The following QTRT1 variants were observed in gnomAD, a reference collection of about 807,000 sequenced individuals.
QTRT1 encodes the protein TGT, 43-KD subunit.
Under a neutral mutation model 44.0 loss-of-function variants are expected in QTRT1, and 41 were observed. The observed-to-expected ratio is 0.93, with a 90% CI of 0.73 to 1.21. QTRT1 has a LOEUF of 1.21. Ranked by LOEUF, QTRT1 falls within the 50% of genes most tolerant of loss-of-function variation. The pLI is 0.00. For synonymous variants in QTRT1, 226 were observed against 237.1 expected (o/e 0.95, Z 0.43); for missense variants, 542 against 575.8 (o/e 0.94, Z 0.60).
At chr19:10,707,765 A>G (rs2068721255) in intron 5 of QTRT1, 150 bp downstream of exon 5, 2 of 557,624 alleles carry the variant, frequency 3.6e-6, no homozygotes, top group Non-Finnish European at 6.4e-6. Flanking sequence ...CACGTGCAGT[A>G]GAATGTATTG....
At chr19:10,708,866 A>T (rs1261401271) in intron 5 of QTRT1, 1 of 151,100 alleles carries the variant, frequency 6.6e-6, no homozygotes, top group Non-Finnish European at 1.5e-5. Context: ...TCCGGTTTCA[A>T]GTGATTCTCC....
At chr19:10,703,206 C>G (rs1310497139) in intron 3 of QTRT1, among the ~76,000 whole-genome samples, 1 of 151,082 alleles carries the variant, frequency 6.6e-6, no homozygotes, top group Non-Finnish European at 1.5e-5. Flanking sequence ...GGGATTACAA[C>G]TGCTTGCCAC....
chr19:10,703,826 T>A (rs2068700736), intron 3 of QTRT1, among the ~76,000 whole-genome samples: 1 of 150,528 alleles, frequency 6.6e-6, no homozygotes, highest in African/African-American at 2.4e-5. Flanking sequence ...GCCTATAAGT[T>A]TATTTTTTTA....
intron 3 of QTRT1, among the ~76,000 whole-genome samples, chr19:10,705,293 C>A (rs969686622): frequency 6.6e-6 from 1 of 151,206 alleles, no homozygotes; most frequent in Admixed American, 6.6e-5. Flanking sequence ...GGCTGGAGTG[C>A]AGTGGCACTG....
chr19:10,701,838 T>C (rs2068690490), intron 1 of QTRT1, 112 bp from the exon 2 acceptor site: 2 of 1,575,070 alleles, frequency 1.3e-6, no homozygotes, highest in African/African-American at 1.3e-5. Flanking sequence ...GACCAGGCCT[T>C]GTACTGGGCG....
At chr19:10,708,628 C>T (rs1160028340) in intron 5 of QTRT1, among the ~76,000 whole-genome samples, 1 of 152,110 alleles carries the variant, frequency 6.6e-6, no homozygotes, top group Non-Finnish European at 1.5e-5. Context: ...TGCAGCTCCC[C>T]TTCCCATGAT....
At chr19:10,704,916 ATTT>A (rs57490073) in intron 3 of QTRT1, among the ~76,000 whole-genome samples, 8 of 133,504 alleles carry the variant, frequency 6.0e-5, no homozygotes, top group Non-Finnish European at 3.2e-5. Context: ...GAATGTCGTA[ATTT>A]TTTTTTTTTT....
chr19:10,712,917 C>T lies in QTRT1; in HGVS notation c.972-36C>T. The stretch of plus-strand genomic sequence containing the variant: ...GGGGCAGGGCATGGAGGGGACAGGG[C>T]CTGGCCGTGCTGAGCTGTCCCCTGC... On this transcript the variant is annotated intron_variant, in intron 8 of 9. Coordinates refer to ENST00000250237, the MANE Select transcript of QTRT1 (RefSeq NM_031209.3). This position sits in a 1 kb window ranked among gnomAD's most constrained non-coding sequence, Gnocchi z 5.6. 3 of 1,612,796 alleles carry T rather than the reference C, an allele frequency of 1.9e-6. No individual in the cohort carries two copies. The highest frequency in any genetic ancestry group is 2.5e-6 in the Non-Finnish European group (3 of 1,179,496).
intron 5 of QTRT1, among the ~76,000 whole-genome samples, chr19:10,709,540 C>T (rs770575843): frequency 2.0e-5 from 3 of 152,110 alleles, no homozygotes; most frequent in Admixed American, 6.6e-5. Flanking sequence ...GGTAAAACCC[C>T]GTTTCTACTA....
At chr19:10,703,799 A>C (rs1379299650) in intron 3 of QTRT1, among the ~76,000 whole-genome samples, 2 of 143,832 alleles carry the variant, frequency 1.4e-5, no homozygotes, top group African/African-American at 2.6e-5. Context: ...GATTACAGGT[A>C]TGAGCCACTG....
chr19:10,705,728 G>A (rs2068710393), intron 3 of QTRT1, among the ~76,000 whole-genome samples: 1 of 150,438 alleles, frequency 6.6e-6, no homozygotes, highest in African/African-American at 2.5e-5. Context: ...TAGAGACAGG[G>A]TTTCACCATA....
intron 3 of QTRT1, among the ~76,000 whole-genome samples, chr19:10,706,484 T>C (rs1276820780): frequency 6.6e-6 from 1 of 152,022 alleles, no homozygotes; most frequent in African/African-American, 2.4e-5. Context: ...GCGATTCTCC[T>C]GCCTCAGCCT....
In QTRT1 at chr19:10,712,935, TCCCCTGCCG is replaced by T; in HGVS notation, c.972-16_972-8del. On this transcript the variant is annotated splice_polypyrimidine_tract_variant and intron_variant, in intron 8 of 9. Transcript: ENST00000250237. This position sits in a 1 kb window ranked among gnomAD's most constrained non-coding sequence, Gnocchi z 5.6. ...GACAGGGCCTGGCCGTGCTGAGCTG[TCCCCTGCCG>T]CTCTACAGGCACAGCCGCGCCTTCC... 1 of 1,612,858 alleles carries T rather than the reference TCCCCTGCCG, an allele frequency of 6.2e-7. No homozygotes were observed. The highest frequency in any genetic ancestry group is 8.5e-7 in the Non-Finnish European group (1 of 1,179,820).
intron 3 of QTRT1, among the ~76,000 whole-genome samples, chr19:10,703,668 G>A (rs1305560820): frequency 2.0e-5 from 3 of 151,606 alleles, no homozygotes; most frequent in Non-Finnish European, 4.4e-5. Flanking sequence ...ACAGGTGCCC[G>A]CTACCACACC....
Position 10,712,550 on chromosome 19 carries a change from C to T in QTRT1, c.786-3C>T, listed in dbSNP as rs2068743581. On this transcript the variant is annotated splice_region_variant and splice_polypyrimidine_tract_variant and intron_variant, in intron 6 of 9. Coordinates refer to ENST00000250237, the MANE Select transcript of QTRT1 (RefSeq NM_031209.3). The surrounding 1 kb of genome is among the most constrained non-coding windows in gnomAD (Gnocchi z 5.6). ...CCCCCTCCCGTCATGGCTGCAACCC[C>T]AGCTATGCCACTGATCTGGTAGTCT... 6.2e-7 allele frequency: 1 copy of T among 1,613,686 alleles called. No homozygotes were observed. Among genetic ancestry groups the T allele is most frequent in the Non-Finnish European group, 8.5e-7 (1 of 1,179,674 alleles).
In QTRT1 at chr19:10,712,231, C is replaced by G. The variant is rs750735108; in HGVS notation, c.717C>G (p.Phe239Leu). 4 of 1,614,108 alleles carry G rather than the reference C, an allele frequency of 2.5e-6. No individual in the cohort carries two copies. The highest frequency in any genetic ancestry group is 1.7e-4 in the Middle Eastern group (1 of 6,028). Residue 239 changes from phenylalanine (F) to leucine (L), a missense_variant, in exon 6 of 10, where the codon TTC becomes TTG. Physicochemically the swap from Phe to Leu is conservative, Grantham distance 22. Coordinates refer to ENST00000250237, the MANE Select transcript of QTRT1 (RefSeq NM_031209.3). The surrounding 1 kb of genome is among the most constrained non-coding windows in gnomAD (Gnocchi z 5.6). ...GLSGGESKSQ[F>L]WRMVALSTSR... ...GCGGGGGTGAGAGCAAGTCGCAGTT[C>G]TGGCGGATGGTGGCGCTGAGCACCT... is the stretch of plus-strand genomic sequence containing the variant.
At position 10,712,980 on chromosome 19, in the gene QTRT1, G is replaced by A. The variant is rs769867462; in HGVS notation, c.999G>A (p.Leu333=). Residue 333 remains leucine, a synonymous_variant, in exon 9 of 10, where the codon CTG becomes CTA. Transcript: ENST00000250237. This position sits in a 1 kb window ranked among gnomAD's most constrained non-coding sequence, Gnocchi z 5.6. ...QKHSRAFLHA[L]LHSDNTAALH... is the part of the protein sequence containing the mutation. Reference sequence around the variant, plus strand: ...ACAGCCGCGCCTTCCTGCACGCACTGCTGCACAGTGACAACACGGCCGCGC... The same window carrying A: ...ACAGCCGCGCCTTCCTGCACGCACTACTGCACAGTGACAACACGGCCGCGC... 31 of 1,612,584 alleles carry A rather than the reference G, an allele frequency of 1.9e-5. No homozygotes were observed. The highest frequency in any genetic ancestry group is 1.6e-4 in the Middle Eastern group (1 of 6,084).
At chr19:10,702,972 T>C (rs1438916486) in intron 3 of QTRT1, among the ~76,000 whole-genome samples, 1 of 151,506 alleles carries the variant, frequency 6.6e-6, no homozygotes, top group Non-Finnish European at 1.5e-5. Flanking sequence ...TTTCTCCATG[T>C]TGGTTAGGCT....
intron 3 of QTRT1, among the ~76,000 whole-genome samples, chr19:10,705,494 C>T (rs373077714): frequency 2.1e-4 from 32 of 152,266 alleles, no homozygotes; most frequent in African/African-American, 7.7e-4. Flanking sequence ...CCGTCTCGGC[C>T]TCCCAAAGTG....
Sources: gnomAD v4.1 joint callset for allele counts (sites outside exome capture counted in the v4.1 genomes callset) on GRCh38, gnomAD v4.1.1 for gene constraint, Gnocchi (gnomAD v3.1) non-coding constraint, MANE v1.5 for transcripts, NCBI Gene and HGNC (gene_info 2026-07-23, HGNC 2026-07-21) for gene names.